The following SYCP2L variants were observed in gnomAD, a reference collection of about 807,000 sequenced individuals.
SYCP2L encodes synaptonemal complex protein 2-like.
Under a neutral mutation model 125.8 loss-of-function variants are expected in SYCP2L, and 98 were observed. That is an observed-to-expected ratio of 0.78 (90% confidence interval 0.66 to 0.92). The LOEUF is 0.92. Among genes scored for constraint, SYCP2L ranks in the 40% least tolerant of loss-of-function variants. The probability of loss-of-function intolerance (pLI) is 0.00; values close to 1 mark genes in which losing one functional copy is unlikely to be tolerated. For synonymous variants in SYCP2L, 317 were observed against 325.4 expected (o/e 0.97, Z 0.28); for missense variants, 842 against 936.4 (o/e 0.90, Z 1.32).
intron 14 of SYCP2L, among the ~76,000 whole-genome samples, chr6:10,917,439 G>A (rs1370265645): frequency 6.6e-6 from 1 of 152,100 alleles, no homozygotes; most frequent in Non-Finnish European, 1.5e-5. Context: ...TTTAAAGTTT[G>A]TTTTGTCTGA....
chr6:10,963,543 T>C (rs187873923), intron 28 of SYCP2L, among the ~76,000 whole-genome samples: 3 of 152,336 alleles, frequency 2.0e-5, no homozygotes, highest in Admixed American at 2.0e-4. Context: ...GCTTTGATGG[T>C]GCCCATGAAA....
chr6:10,933,136 C>T (rs1781027424), intron 20 of SYCP2L, among the ~76,000 whole-genome samples: 1 of 152,212 alleles, frequency 6.6e-6, no homozygotes, highest in African/African-American at 2.4e-5. Context: ...TGCTGACTTT[C>T]TACAAATACT....
chr6:10,926,280 A>C, intron 15 of SYCP2L, 59 bp from the exon 16 acceptor site: 1 of 1,264,204 alleles, frequency 7.9e-7, no homozygotes, highest in Middle Eastern at 2.0e-4. Context: ...GTTTTCCTTA[A>C]ATTTTTTTTT....
chr6:10,940,087 A>T (rs869259095), intron 21 of SYCP2L, among the ~76,000 whole-genome samples: 1 of 152,040 alleles, frequency 6.6e-6, no homozygotes, highest in Non-Finnish European at 1.5e-5. Flanking sequence ...GGGTATATGT[A>T]CTCAACATCA....
chr6:10,938,922 C>T (rs1437143260), intron 21 of SYCP2L, among the ~76,000 whole-genome samples: 1 of 152,088 alleles, frequency 6.6e-6, no homozygotes, highest in African/African-American at 2.4e-5. Flanking sequence ...AGATCGAGAC[C>T]ATCCCAGCTA....
intron 21 of SYCP2L, among the ~76,000 whole-genome samples, chr6:10,938,110 A>G (rs1781134731): frequency 6.6e-6 from 1 of 152,228 alleles, no homozygotes; most frequent in Non-Finnish European, 1.5e-5. Context: ...ATGCTACAAG[A>G]AAAGAAAATT....
At chr6:10,892,317 T>G (rs1350186709) in intron 2 of SYCP2L, among the ~76,000 whole-genome samples, 1 of 152,184 alleles carries the variant, frequency 6.6e-6, no homozygotes, top group Non-Finnish European at 1.5e-5. Flanking sequence ...TTTGTTTTGT[T>G]TTAACGGGAT....
At chr6:10,937,967 G>A (rs1470116119) in intron 21 of SYCP2L, among the ~76,000 whole-genome samples, 1 of 152,126 alleles carries the variant, frequency 6.6e-6, no homozygotes, top group Non-Finnish European at 1.5e-5. Flanking sequence ...TTTCACTGGT[G>A]AACTCTACCA....
intron 14 of SYCP2L, among the ~76,000 whole-genome samples, chr6:10,923,212 T>C (rs1780830649): frequency 6.6e-6 from 1 of 152,078 alleles, no homozygotes; most frequent in Non-Finnish European, 1.5e-5. Context: ...TTTGCTGCCT[T>C]TTCTATTCTC....
At chr6:10,947,402 C>G (rs1256587227) in intron 23 of SYCP2L, among the ~76,000 whole-genome samples, 1 of 151,730 alleles carries the variant, frequency 6.6e-6, no homozygotes, top group Non-Finnish European at 1.5e-5. Flanking sequence ...AATATTAAAC[C>G]ATCCCACACA....
rs545742666 is a variant in SYCP2L at position 10,927,089 on chromosome 6, A to G, written c.1313-151A>G. 6.5e-6 allele frequency: 9 copies of G among 1,379,832 alleles called. No individual in the cohort carries two copies. The Admixed American group carries it at 1.7e-4, about 26-fold the overall frequency. The allele number at this position is 1,379,832 out of a possible 1,614,324, so 85.5% of individuals were successfully genotyped here. A position where few individuals can be genotyped will look rare whatever the true frequency, so the allele number is the denominator to read the frequency against. On this transcript the variant is annotated intron_variant, in intron 16 of 29. Coordinates refer to ENST00000283141, the MANE Select transcript of SYCP2L (RefSeq NM_001040274.3). ...AGCCAACATGCCAGCCTGTACCCATAGCTTTCTGATTGGAGGTTTGAGGCA... is the reference window on the plus strand; with the variant it reads ...AGCCAACATGCCAGCCTGTACCCATGGCTTTCTGATTGGAGGTTTGAGGCA...
rs553758522 is a variant in SYCP2L at position 10,912,862 on chromosome 6, C to T, written c.1012-5C>T. 1 of 1,613,504 alleles carries T rather than the reference C, an allele frequency of 6.2e-7. No individual in the cohort carries two copies. Among genetic ancestry groups the T allele is most frequent in the Admixed American group, 1.7e-5 (1 of 59,956 alleles). ...TCATGAATTTCACTTATTTATTTTC[C>T]CAAGAATACTCTATGGGACTCAGTG... On this transcript the variant is annotated splice_region_variant and splice_polypyrimidine_tract_variant and intron_variant, in intron 13 of 29. Coordinates refer to ENST00000283141, the MANE Select transcript of SYCP2L (RefSeq NM_001040274.3). This position sits in a 1 kb window ranked among gnomAD's most constrained non-coding sequence, Gnocchi z 4.1.
rs1420689571 is a variant in SYCP2L at position 10,954,417 on chromosome 6, A to G, written c.1955-699A>G. On this transcript the variant is annotated intron_variant, in intron 23 of 29. Transcript: ENST00000283141. This position sits in a 1 kb window ranked among gnomAD's most constrained non-coding sequence, Gnocchi z 4.8. ...TGGGCAGGAACTCAGAGAGGGAGGG[A>G]TTCATTCCATAGGCAGAACCTTGAG... 1.3e-5 allele frequency among the ~76,000 whole-genome samples: 2 copies of G among 152,118 alleles called. No homozygotes were observed. The highest frequency in any genetic ancestry group is 4.8e-5 in the African/African-American group (2 of 41,422).
At chr6:10,922,698 C>G (rs1486476224) in intron 14 of SYCP2L, 1 of 152,022 alleles carries the variant, frequency 6.6e-6, no homozygotes, top group Non-Finnish European at 1.5e-5. Flanking sequence ...TAGACTTTCC[C>G]TGGAGTGATG....
At chr6:10,928,930 T>A (rs1014629482) in intron 18 of SYCP2L, among the ~76,000 whole-genome samples, 2 of 150,312 alleles carry the variant, frequency 1.3e-5, no homozygotes, top group Non-Finnish European at 2.9e-5. Flanking sequence ...TTTTTTTTTT[T>A]AAGACTGAGT....
chr6:10,919,611 A>T (rs1046652039), intron 14 of SYCP2L, among the ~76,000 whole-genome samples: 7 of 152,036 alleles, frequency 4.6e-5, no homozygotes, highest in Admixed American at 1.3e-4. Flanking sequence ...AGGGAGGAAC[A>T]GGCGGTGGGT....
At position 10,893,942 on chromosome 6, in the gene SYCP2L, A is replaced by C; in HGVS notation, c.154A>C (p.Ser52Arg). The part of the protein sequence containing the change: ...KIKEYFQQKE[S>R]HFPQKYNRLL... ...AAAAGAATACTTTCAACAGAAAGAG[A>C]GCCACTTTCCTCAAAAATATAATCG... The change falls in exon 3 of 30, where the codon AGC becomes CGC. Residue 52 changes from serine to arginine, a missense_variant. Coordinates refer to ENST00000283141, the MANE Select transcript of SYCP2L (RefSeq NM_001040274.3). The C allele has an allele frequency of 6.2e-7, 1 of 1,612,676 alleles. No homozygotes were observed. Among genetic ancestry groups the C allele is most frequent in the Non-Finnish European group, 8.5e-7 (1 of 1,179,602 alleles).
rs1429315871 is a variant in SYCP2L at position 10,961,464 on chromosome 6, G to A, written c.2356-36G>A. ...CGGATCTTTCCCAGGGAAAAATAAC[G>A]CTAGCTACTTAAACAAAACTTTTGT... On this transcript the variant is annotated intron_variant, in intron 27 of 29. Coordinates refer to ENST00000283141, the MANE Select transcript of SYCP2L (RefSeq NM_001040274.3). The A allele has an allele frequency of 4.3e-6, 7 of 1,613,258 alleles. No individual in the cohort carries two copies. The South Asian group carries it at 5.5e-5, about 13-fold the overall frequency.
At chr6:10,963,889 A>C in intron 29 of SYCP2L, 46 bp downstream of exon 29, 1 of 1,442,892 alleles carries the variant, frequency 6.9e-7, no homozygotes, top group South Asian at 1.2e-5. Context: ...AATCGGGGTC[A>C]GGGCAGGGAG....
Sources: allele counts gnomAD v4.1 joint callset (sites outside exome capture counted in the v4.1 genomes callset), GRCh38; gene constraint gnomAD v4.1.1; non-coding constraint Gnocchi (gnomAD v3.1); transcripts MANE v1.5; gene names NCBI Gene and HGNC (gene_info 2026-07-23, HGNC 2026-07-21).